Variants in PCLO observed in about 807,000 individuals in gnomAD.
PCLO encodes piccolo presynaptic cytomatrix protein, also known as protein piccolo.
Under a neutral mutation model 427.5 loss-of-function variants are expected in PCLO, and 82 were observed. That is an observed-to-expected ratio of 0.19 (90% CI 0.16 to 0.23). The LOEUF is 0.23. Ranked by LOEUF, PCLO falls within the 10% of genes least tolerant of loss-of-function variation. PCLO has a pLI of 1.00. For missense variants in PCLO, 6,239 were observed against 6,115.9 expected (o/e 1.02, Z -0.67); for synonymous variants, 2,357 against 2,155.4 (o/e 1.09, Z -2.59).
intron 3 of PCLO, among the ~76,000 whole-genome samples, chr7:83,108,247 C>T (rs1790917571): frequency 6.6e-6 from 1 of 151,930 alleles, no homozygotes; most frequent in Non-Finnish European, 1.5e-5. Flanking sequence ...GTTTTCCTTT[C>T]CTTTGTTGTT....
intron 3 of PCLO, among the ~76,000 whole-genome samples, chr7:82,986,946 A>C (rs1400534208): frequency 6.6e-6 from 1 of 151,974 alleles, no homozygotes; most frequent in African/African-American, 2.4e-5. Flanking sequence ...GCAAGACTTT[A>C]ATAGTAAAAT....
intron 3 of PCLO, among the ~76,000 whole-genome samples, chr7:83,043,273 A>T (rs2116221091): frequency 6.6e-6 from 1 of 152,312 alleles, no homozygotes; most frequent in South Asian, 2.1e-4. Flanking sequence ...GAGAAAAAAC[A>T]AAAGAAAAAA....
chr7:83,162,215 C>T, intron 1 of PCLO, 130 bp downstream of exon 1: 1 of 1,093,818 alleles, frequency 9.1e-7, no homozygotes. Context: ...TCTATGGCCA[C>T]CCCACTGGGG....
chr7:82,849,002 G>A, intron 10 of PCLO: 1 of 274,080 alleles, frequency 3.6e-6, no homozygotes, highest in South Asian at 3.2e-5. Context: ...GCTGAAAGAG[G>A]AAAATAAAGC....
chr7:83,125,593 C>T (rs1156969079), intron 3 of PCLO, among the ~76,000 whole-genome samples: 1 of 152,146 alleles, frequency 6.6e-6, no homozygotes, highest in East Asian at 1.9e-4. Flanking sequence ...ACCCCCAACC[C>T]CCTGCTCTCT....
chr7:82,833,147 G>A (rs1034682590), intron 16 of PCLO, among the ~76,000 whole-genome samples: 2 of 152,048 alleles, frequency 1.3e-5, no homozygotes, highest in African/African-American at 4.8e-5. Context: ...ACACCATATT[G>A]TAAATACACA....
rs757358732 is a variant in PCLO, at chr7:83,134,714, T to C, written c.2836A>G (p.Ile946Val). 1.5e-5 allele frequency: 25 copies of C among 1,613,814 alleles called. No homozygotes were observed. The highest frequency in any genetic ancestry group is 2.0e-5 in the Non-Finnish European group (24 of 1,179,818). The change falls in exon 3 of 25, where the codon ATT becomes GTT. Residue 946 changes from isoleucine to valine, a missense_variant. Physicochemically the swap from Ile to Val is conservative, Grantham distance 29 (BLOSUM62 3). Transcript: ENST00000333891. ...GGTCCAGGTTGGCCTGCAGTGGAAA[T>C]TAAATTTGATGCCTGGCTGAAGATT... ...ASIFSQASNL[I>V]STAGQPGPHS...
intron 20 of PCLO, among the ~76,000 whole-genome samples, chr7:82,809,406 C>G (rs1244320019): frequency 6.6e-6 from 1 of 151,618 alleles, no homozygotes; most frequent in African/African-American, 2.4e-5. Flanking sequence ...TTAAAGTTAT[C>G]TGTAAAGGCC....
At chr7:82,776,800 TTCTCTCTCTCTTTC>T (rs1488709142) in intron 22 of PCLO, among the ~76,000 whole-genome samples, 4 of 142,712 alleles carry the variant, frequency 2.8e-5, no homozygotes, top group African/African-American at 1.1e-4. Flanking sequence ...ATCTCTCTCT[TTCTCTCTCTCTTTC>T]TCTCTCTCTC....
chr7:82,957,183 C>G (rs1004827120), intron 4 of PCLO, among the ~76,000 whole-genome samples: 3 of 152,126 alleles, frequency 2.0e-5, no homozygotes, highest in African/African-American at 7.2e-5. Context: ...TTCATAAATA[C>G]TCTACCTTTT....
At chr7:82,843,791 A>G (rs1253130270) in intron 13 of PCLO, among the ~76,000 whole-genome samples, 1 of 151,190 alleles carries the variant, frequency 6.6e-6, no homozygotes, top group Non-Finnish European at 1.5e-5. Context: ...CAGCCTCCTG[A>G]GCAGCTGGGA....
At chr7:82,932,520 C>T (rs542912638) in intron 6 of PCLO, among the ~76,000 whole-genome samples, 12 of 152,084 alleles carry the variant, frequency 7.9e-5, no homozygotes, top group African/African-American at 2.7e-4. Context: ...TTGCCATGTA[C>T]GATTTATGAG....
intron 20 of PCLO, among the ~76,000 whole-genome samples, chr7:82,814,991 A>G (rs1791647835): frequency 6.6e-6 from 1 of 151,984 alleles, no homozygotes; most frequent in Admixed American, 6.6e-5. Flanking sequence ...TCATTTTATC[A>G]TGCTATTTAT....
intron 3 of PCLO, among the ~76,000 whole-genome samples, chr7:82,972,497 A>C (rs1795928506): frequency 6.6e-6 from 1 of 152,062 alleles, no homozygotes; most frequent in Non-Finnish European, 1.5e-5. Context: ...GTTTGCTTTT[A>C]GACTTAAAAT....
intron 2 of PCLO, among the ~76,000 whole-genome samples, chr7:83,145,525 G>A (rs887776417): frequency 3.3e-5 from 5 of 152,224 alleles, no homozygotes; most frequent in South Asian, 4.1e-4. Context: ...TTGGGTCAGC[G>A]AATCTCACTT....
chr7:82,805,648 G>A, intron 21 of PCLO, 40 bp downstream of exon 21: 1 of 1,581,586 alleles, frequency 6.3e-7, no homozygotes, highest in Non-Finnish European at 8.7e-7. Context: ...TACTCATGAT[G>A]CTGAGTAAGC....
intron 3 of PCLO, among the ~76,000 whole-genome samples, chr7:83,126,668 A>G (rs187824043): frequency 2.4e-4 from 36 of 152,216 alleles, no homozygotes; most frequent in South Asian, 4.1e-4. Context: ...AGATAAATTG[A>G]TAAAGATTTA....
At chr7:82,794,178 T>C (rs1325430017) in intron 22 of PCLO, among the ~76,000 whole-genome samples, 7 of 152,072 alleles carry the variant, frequency 4.6e-5, no homozygotes, top group Non-Finnish European at 1.0e-4. Context: ...ACGTTTTCTG[T>C]TTTCTGAATT....
At chr7:82,942,213 C>A (rs541426810) in intron 6 of PCLO, among the ~76,000 whole-genome samples, 2 of 152,250 alleles carry the variant, frequency 1.3e-5, no homozygotes, top group South Asian at 4.1e-4. Context: ...AACTAATATG[C>A]TGAAATACAT....
Sources: allele counts gnomAD v4.1 joint callset (sites outside exome capture counted in the v4.1 genomes callset), GRCh38; gene constraint gnomAD v4.1.1; transcripts MANE v1.5; gene names NCBI Gene and HGNC (gene_info 2026-07-23, HGNC 2026-07-21).